Variants in SLC1A7 observed in about 807,000 individuals in gnomAD.
The protein encoded by SLC1A7 is excitatory amino acid transporter 5.
In SLC1A7, 40 loss-of-function variants were observed where a neutral mutation model predicts 47.7. The observed-to-expected ratio is 0.84, with a 90% CI of 0.65 to 1.09. SLC1A7 has a LOEUF of 1.09. Ranked by LOEUF, SLC1A7 falls within the 50% of genes least tolerant of loss-of-function variation. The pLI, the probability that SLC1A7 is intolerant of heterozygous loss-of-function variation, is 0.00. For missense variants in SLC1A7, 746 were observed against 769.5 expected, an observed-to-expected ratio of 0.97 and a Z score of 0.36; for synonymous variants, 323 against 325.6, an observed-to-expected ratio of 0.99 and a Z score of 0.09.
chr1:53,140,869 T>C (rs183635461), intron 1 of SLC1A7, among the ~76,000 whole-genome samples: 122 of 152,318 alleles, frequency 8.0e-4, no homozygotes, highest in Non-Finnish European at 1.2e-3. Context: ...TCTTCCTAAA[T>C]AACTGCTCGA....
At chr1:53,115,673 C>A in intron 2 of SLC1A7, 1 of 152,620 alleles carries the variant, frequency 6.6e-6, no homozygotes. Context: ...CAAGTCACTT[C>A]CCCATCTTTG....
At chr1:53,126,575 A>G (rs1180821595) in intron 2 of SLC1A7, among the ~76,000 whole-genome samples, 1 of 152,144 alleles carries the variant, frequency 6.6e-6, no homozygotes, top group East Asian at 1.9e-4. Context: ...GAGCCTGCAT[A>G]TGACTGTCCT....
intron 1 of SLC1A7, among the ~76,000 whole-genome samples, chr1:53,139,638 G>C (rs66480425): frequency 0.27 from 41,463 of 152,188 alleles, 5,831 homozygotes; most frequent in Middle Eastern, 0.46. Context: ...GTTACGTTCT[G>C]GAGTCTGCAA....
rs760640685 is a variant in SLC1A7 at position 53,092,648 on chromosome 1, G to A, written c.937C>T (p.Pro313Ser). 2.5e-6 allele frequency: 4 copies of A among 1,614,174 alleles called. No homozygotes were observed. In the Admixed American group the frequency reaches 6.7e-5, roughly 27 times the overall value. ...GLVLHGLFIL[P>S]LLYFFITKKN... ...TTGGTGATGAAGAAGTAGAGCAGGG[G>A]CAGGATAAAGAGCCCGTGGAGCACC... is the stretch of plus-strand genomic sequence containing the variant. The change falls in exon 7 of 11, where the codon CCC becomes TCC. Residue 313 changes from proline (P) to serine (S), a missense_variant. Coordinates refer to ENST00000371494, the MANE Select transcript of SLC1A7 (RefSeq NM_006671.6).
At chr1:53,104,060 C>A (rs763749835) in intron 4 of SLC1A7, among the ~76,000 whole-genome samples, 1 of 152,176 alleles carries the variant, frequency 6.6e-6, no homozygotes, top group African/African-American at 2.4e-5. Context: ...TCCTGAGCCA[C>A]GTACCTTTCC....
intron 2 of SLC1A7, among the ~76,000 whole-genome samples, chr1:53,119,926 G>T (rs561729957): frequency 1.3e-5 from 2 of 152,152 alleles, no homozygotes; most frequent in African/African-American, 4.8e-5. Context: ...CCCACACCAC[G>T]CTTGGCTGGG....
chr1:53,120,643 A>G (rs1489048103), intron 2 of SLC1A7, among the ~76,000 whole-genome samples: 1 of 152,200 alleles, frequency 6.6e-6, no homozygotes, highest in East Asian at 1.9e-4. Flanking sequence ...GCCTCTGGGA[A>G]GCCTTCCCTG....
At chr1:53,121,514 C>T (rs533244665) in intron 2 of SLC1A7, among the ~76,000 whole-genome samples, 3 of 152,334 alleles carry the variant, frequency 2.0e-5, no homozygotes, top group South Asian at 2.1e-4. Flanking sequence ...ACTCTGCTTT[C>T]GGCCCTCTCC....
At chr1:53,090,251 T>G in intron 8 of SLC1A7, 1 of 543,510 alleles carries the variant, frequency 1.8e-6, no homozygotes. Context: ...GACCACCACA[T>G]GGCTCTGCCT....
chr1:53,124,958 T>C (rs3766793), intron 2 of SLC1A7, among the ~76,000 whole-genome samples: 35,535 of 152,134 alleles, frequency 0.23, 4,939 homozygotes, highest in South Asian at 0.49. Context: ...CAGATTTATT[T>C]TTGTGGAAGA....
intron 2 of SLC1A7, among the ~76,000 whole-genome samples, chr1:53,131,302 T>A (rs539198003): frequency 3.9e-5 from 6 of 152,362 alleles, no homozygotes; most frequent in African/African-American, 1.4e-4. Flanking sequence ...TCGAGGACCC[T>A]GGCCTCTGAC....
rs1572328116 is a variant in SLC1A7 at position 53,113,090 on chromosome 1, C to T, written c.431+1668G>A. Among the ~76,000 whole-genome samples, 7 of 152,298 alleles carry T rather than the reference C, an allele frequency of 4.6e-5. No homozygotes were observed. In the South Asian group the frequency reaches 1.4e-3, roughly 32 times the overall value. On this transcript the variant is annotated intron_variant, in intron 3 of 10. Transcript: ENST00000371494. The stretch of plus-strand genomic sequence containing the variant: ...CTGAGTCAGATCCAAAAGGCTAAGA[C>T]AGGCTTAGTTTAAACTGCAGGAGTT...
At chr1:53,130,758 A>T (rs970517702) in intron 2 of SLC1A7, among the ~76,000 whole-genome samples, 5 of 152,020 alleles carry the variant, frequency 3.3e-5, no homozygotes, top group African/African-American at 1.2e-4. Context: ...TGACATCTGA[A>T]TTTTTCAAAG....
At position 53,092,770 on chromosome 1, in the gene SLC1A7, A is replaced by G. The variant is rs777634599; in HGVS notation, c.815T>C (p.Ile272Thr). 3 of 1,611,834 alleles carry G rather than the reference A, an allele frequency of 1.9e-6. No individual in the cohort carries two copies. Among genetic ancestry groups the G allele is most frequent in the African/African-American group, 2.7e-5 (2 of 74,884 alleles). Residue 272 changes from isoleucine (I) to threonine (T), a missense_variant, in exon 7 of 11, where the codon ATT (isoleucine) becomes ACT (threonine). Ile to Thr is a moderately conservative substitution (Grantham distance 89). Transcript: ENST00000371494. ...AVAVWYFPFG[I>T]VFLIAGKILE... is the part of the protein sequence containing the mutation. ...GATCTTACCCGCAATGAGGAACACA[A>G]TGCCGAAGGGGAAATACCTGGGGGC...
intron 2 of SLC1A7, among the ~76,000 whole-genome samples, chr1:53,124,012 G>C (rs1014000766): frequency 1.3e-5 from 2 of 152,244 alleles, no homozygotes; most frequent in Admixed American, 1.3e-4. Context: ...CCTGTCCTGG[G>C]GAGTCTGGGC....
intron 2 of SLC1A7, among the ~76,000 whole-genome samples, chr1:53,121,822 C>T (rs1440825299): frequency 6.6e-6 from 1 of 152,214 alleles, no homozygotes; most frequent in African/African-American, 2.4e-5. Flanking sequence ...TGGTGAGTCA[C>T]CTGGGACGCG....
At chr1:53,108,234 C>A in intron 3 of SLC1A7, 1 of 251,582 alleles carries the variant, frequency 4.0e-6, no homozygotes, top group Non-Finnish European at 7.7e-6. Flanking sequence ...TGGGTCGCCT[C>A]CCACTCACTC....
chr1:53,092,251 G>A (rs1458336825), intron 7 of SLC1A7, among the ~76,000 whole-genome samples: 1 of 152,256 alleles, frequency 6.6e-6, no homozygotes, highest in Non-Finnish European at 1.5e-5. Context: ...GGCAGCAGCA[G>A]TGCGTTGCCA....
chr1:53,132,581 C>T (rs1371751894), intron 2 of SLC1A7, among the ~76,000 whole-genome samples: 1 of 152,128 alleles, frequency 6.6e-6, no homozygotes, highest in Non-Finnish European at 1.5e-5. Context: ...CACGGTGGCT[C>T]ATGCCTATAA....
Sources: gnomAD v4.1 joint callset for allele counts (sites outside exome capture counted in the v4.1 genomes callset) on GRCh38, gnomAD v4.1.1 for gene constraint, MANE v1.5 for transcripts, NCBI Gene and HGNC (gene_info 2026-07-23, HGNC 2026-07-21) for gene names.